Variants in WDTC1 observed in about 807,000 individuals in gnomAD.
WDTC1 encodes WD and tetratricopeptide repeats protein 1.
In WDTC1, 12 loss-of-function variants were observed where a neutral mutation model predicts 76.0. That is an observed-to-expected ratio of 0.16 (90% CI 0.10 to 0.26). The LOEUF (loss-of-function observed/expected upper bound fraction) is 0.26. Among genes scored for constraint, WDTC1 ranks in the 10% least tolerant of loss-of-function variants. WDTC1 has a pLI of 1.00. For missense variants in WDTC1, 511 were observed against 908.8 expected, an observed-to-expected ratio of 0.56 and a Z score of 5.63; for synonymous variants, 326 against 350.8, an observed-to-expected ratio of 0.93 and a Z score of 0.79.
At position 27,306,737 on chromosome 1, in the gene WDTC1, C is replaced by A; in HGVS notation, c.*354C>A. On this transcript the variant is annotated 3_prime_UTR_variant, in exon 16 of 16. Transcript: ENST00000319394. The surrounding 1 kb of genome is among the most constrained non-coding windows in gnomAD (Gnocchi z 5.0). ...AAGCTGAACTGTCTTCAGGGACTGT[C>A]CTGCCCTTTAGCTGGCAGCAGCAGG... The A allele has an allele frequency of 3.5e-6, 1 of 282,496 alleles. No homozygotes were observed. Among genetic ancestry groups the A allele is most frequent in the Non-Finnish European group, 6.8e-6 (1 of 148,088 alleles). The allele number at this position is 282,496 out of a possible 1,614,324, so 17.5% of individuals were successfully genotyped here.
At chr1:27,292,101 G>C (rs1487960644) in intron 6 of WDTC1, 114 bp from the exon 7 acceptor site, 1 of 1,136,060 alleles carries the variant, frequency 8.8e-7, no homozygotes, top group African/African-American at 1.6e-5. Context: ...TTCTTATTTA[G>C]AAACAGGTCC....
intron 1 of WDTC1, 21 bp from the exon 2 acceptor site, chr1:27,260,933 GTT>G: frequency 8.8e-7 from 1 of 1,137,800 alleles, no homozygotes; most frequent in Non-Finnish European, 1.3e-6. Flanking sequence ...ATCCTCCAAA[GTT>G]TGATGATTTT....
chr1:27,272,119 G>T (rs1425814569), intron 3 of WDTC1, among the ~76,000 whole-genome samples: 2 of 151,572 alleles, frequency 1.3e-5, no homozygotes, highest in Non-Finnish European at 2.9e-5. Flanking sequence ...GGTGGTGCAC[G>T]CCTGTAATCC....
chr1:27,246,508 T>C (rs2011836833), intron 1 of WDTC1, among the ~76,000 whole-genome samples: 1 of 152,200 alleles, frequency 6.6e-6, no homozygotes, highest in African/African-American at 2.4e-5. Context: ...TGGGCTATTA[T>C]GAATAATGCT....
In WDTC1 at chr1:27,274,820, T is replaced by C. The variant is rs1377142825; in HGVS notation, c.133-7419T>C. ...GGATCTCCCAAGATCACCTTGGAAG[T>C]TGTGATCACACTTTGATTCCTGCTA... On this transcript the variant is annotated intron_variant, in intron 3 of 15. Transcript: ENST00000319394. This position sits in a 1 kb window ranked among gnomAD's most constrained non-coding sequence, Gnocchi z 4.2. Among the ~76,000 whole-genome samples the C allele has an allele frequency of 2.6e-5, 4 of 152,222 alleles. No individual in the cohort carries two copies. The highest frequency in any genetic ancestry group is 9.6e-5 in the African/African-American group (4 of 41,452).
chr1:27,258,391 G>A (rs1342773836), intron 1 of WDTC1, among the ~76,000 whole-genome samples: 2 of 151,830 alleles, frequency 1.3e-5, no homozygotes, highest in Non-Finnish European at 2.9e-5. Context: ...AAACTAGCTG[G>A]CGTGGTGGCA....
intron 1 of WDTC1, among the ~76,000 whole-genome samples, chr1:27,243,165 T>C (rs1054132763): frequency 2.0e-5 from 3 of 151,502 alleles, no homozygotes; most frequent in Admixed American, 6.6e-5. Context: ...AATACTGATA[T>C]TACAGGTGTG....
At chr1:27,261,557 A>G (rs2012475516) in intron 2 of WDTC1, among the ~76,000 whole-genome samples, 1 of 152,204 alleles carries the variant, frequency 6.6e-6, no homozygotes, top group Admixed American at 6.5e-5. Flanking sequence ...GTTTGTATGT[A>G]GAAGACACTC....
chr1:27,273,924 G>T (rs528985046), intron 3 of WDTC1, among the ~76,000 whole-genome samples: 3 of 151,854 alleles, frequency 2.0e-5, no homozygotes, highest in Admixed American at 6.6e-5. Flanking sequence ...GTATATATGG[G>T]CATTCTTATA....
At chr1:27,302,469 T>G (rs2013856514) in intron 13 of WDTC1, among the ~76,000 whole-genome samples, 2 of 151,984 alleles carry the variant, frequency 1.3e-5, no homozygotes, top group South Asian at 4.1e-4. Context: ...GCGCGGTGGC[T>G]CACGCTTATA....
intron 12 of WDTC1, among the ~76,000 whole-genome samples, chr1:27,298,523 A>G (rs2013749473): frequency 6.6e-6 from 1 of 152,214 alleles, no homozygotes; most frequent in South Asian, 2.1e-4. Context: ...TGTGTCTAAA[A>G]TATTCTGCAG....
intron 1 of WDTC1, among the ~76,000 whole-genome samples, chr1:27,235,310 G>A (rs2011471059): frequency 6.6e-6 from 1 of 152,096 alleles, no homozygotes; most frequent in Non-Finnish European, 1.5e-5. Context: ...GAAGGGGCAG[G>A]TGTAAGTGCT....
chr1:27,241,367 A>T (rs1287303752), intron 1 of WDTC1, among the ~76,000 whole-genome samples: 1 of 152,022 alleles, frequency 6.6e-6, no homozygotes, highest in Non-Finnish European at 1.5e-5. Flanking sequence ...TGACCCCCCA[A>T]ATTCTATAAA....
intron 12 of WDTC1, among the ~76,000 whole-genome samples, chr1:27,300,005 G>A (rs1169984251): frequency 6.6e-6 from 1 of 152,188 alleles, no homozygotes; most frequent in Non-Finnish European, 1.5e-5. Flanking sequence ...CTTGCAGGCA[G>A]TAATTGGGTT....
In WDTC1 at chr1:27,292,392, C is replaced by T. The variant is rs1358221539; in HGVS notation, c.657C>T (p.Asn219=). The T allele has an allele frequency of 6.3e-7, 1 of 1,597,264 alleles. No homozygotes were observed. The highest frequency in any genetic ancestry group is 1.1e-5 in the South Asian group (1 of 88,486). The change falls in exon 7 of 16, where the codon AAC becomes AAT. Residue 219 remains asparagine (N), a synonymous_variant. Coordinates refer to ENST00000319394, the MANE Select transcript of WDTC1 (RefSeq NM_001276252.2). ...TCTATGACATCCGCATGATCCATAA[C>T]CACAGGTATGAATAGTTCAGCCTCC... ...VRLYDIRMIH[N]HRKSMKQSPS...
intron 2 of WDTC1, among the ~76,000 whole-genome samples, chr1:27,262,587 C>T (rs538162610): frequency 6.6e-6 from 1 of 152,106 alleles, no homozygotes; most frequent in East Asian, 1.9e-4. Flanking sequence ...GGGGTTATAC[C>T]ATGTTGGCCA....
chr1:27,280,852 T>C (rs2147958422), intron 3 of WDTC1, among the ~76,000 whole-genome samples: 1 of 152,386 alleles, frequency 6.6e-6, no homozygotes, highest in East Asian at 1.9e-4. Flanking sequence ...AGGCTTTGCC[T>C]GAAAGTCAGA....
chr1:27,273,310 G>A (rs1481363715), intron 3 of WDTC1, among the ~76,000 whole-genome samples: 6 of 140,174 alleles, frequency 4.3e-5, no homozygotes, highest in African/African-American at 1.6e-4. Flanking sequence ...CCAGGTTCAC[G>A]CCATTCTCCT....
chr1:27,270,273 A>G (rs1049548610), intron 3 of WDTC1, among the ~76,000 whole-genome samples: 1 of 152,196 alleles, frequency 6.6e-6, no homozygotes, highest in Non-Finnish European at 1.5e-5. Context: ...TGAAGAATAG[A>G]TTGCAGGTGT....
Sources: gnomAD v4.1 joint callset for allele counts (sites outside exome capture counted in the v4.1 genomes callset) on GRCh38, gnomAD v4.1.1 for gene constraint, Gnocchi (gnomAD v3.1) non-coding constraint, MANE v1.5 for transcripts, NCBI Gene and HGNC (gene_info 2026-07-23, HGNC 2026-07-21) for gene names.